The following CLDN2 variants were observed in gnomAD, a reference collection of about 807,000 sequenced individuals.
CLDN2 encodes claudin-2.
Under a neutral mutation model 8.2 loss-of-function variants are expected in CLDN2, and 1 was observed. The observed-to-expected ratio is 0.12, with a 90% CI of 0.04 to 0.58. The LOEUF is 0.58. CLDN2 is among the 20% of genes least tolerant of loss of function. The probability of loss-of-function intolerance (pLI) is 0.90; values close to 1 mark genes in which losing one functional copy is unlikely to be tolerated. For missense variants in CLDN2, 108 were observed against 172.9 expected (o/e 0.62, Z 2.11); for synonymous variants, 70 against 70.2 (o/e 1.00, Z 0.01).
chrX:106,910,694 T>C (rs1933238042), intron 1 of CLDN2, among the ~76,000 whole-genome samples: 1 of 105,176 alleles, frequency 9.5e-6, no homozygotes, highest in African/African-American at 3.7e-5. Context: ...CCTGGGCAGA[T>C]AGAGTGAAAC....
upstream of CLDN2, among the ~76,000 whole-genome samples, chrX:106,917,461 G>A (rs1428438916): frequency 1.8e-5 from 2 of 111,650 alleles, no homozygotes; most frequent in African/African-American, 6.5e-5. Context: ...GGTGACATGC[G>A]GTCATTGGTA....
intron 1 of CLDN2, among the ~76,000 whole-genome samples, chrX:106,910,348 G>A (rs1270594146): frequency 1.8e-5 from 2 of 111,237 alleles, no homozygotes; most frequent in African/African-American, 6.6e-5. Flanking sequence ...GTGCTTTATT[G>A]TTTTATTATT....
chrX:106,918,273 T>C (rs1933341807), upstream of CLDN2: 1 of 111,893 alleles, frequency 8.9e-6, no homozygotes, highest in African/African-American at 3.3e-5. Flanking sequence ...TGAGGTCACA[T>C]AGTTGGTTAG....
At position 106,928,969 on chromosome X, in the gene CLDN2, T is replaced by A. The variant is rs1223314804; in HGVS notation, c.*48T>A. On this transcript the variant is annotated 3_prime_UTR_variant, in exon 2 of 2. Transcript: ENST00000336803. ...GGGTGGCTGGGTCTGTGAAAAACAG[T>A]GGACAGCACCCCGAGGGCCACAGGT... 1.9e-6 allele frequency: 2 copies of A among 1,062,206 alleles called. No individual in the cohort carries two copies. Among genetic ancestry groups the A allele is most frequent in the East Asian group, 3.0e-5 (1 of 32,906 alleles). The allele number at this position is 1,062,206 out of a possible 1,213,427, so 87.5% of individuals were successfully genotyped here.
intron 1 of CLDN2, among the ~76,000 whole-genome samples, chrX:106,904,125 C>T (rs1933148051): frequency 8.9e-6 from 1 of 112,379 alleles, no homozygotes; most frequent in African/African-American, 3.2e-5. Flanking sequence ...AGGACCAGCC[C>T]CAGCCCCAGG....
upstream of CLDN2, among the ~76,000 whole-genome samples, chrX:106,914,206 C>G (rs1236555350): frequency 9.1e-6 from 1 of 110,444 alleles, no homozygotes; most frequent in African/African-American, 3.3e-5. Context: ...CCACCTCGGC[C>G]TCCCAAAGTG....
intron 1 of CLDN2, chrX:106,900,678 T>C: frequency 8.8e-7 from 1 of 1,135,815 alleles, no homozygotes; most frequent in Non-Finnish European, 1.2e-6. Flanking sequence ...GGAAGGGGGA[T>C]GAGCTGTGGC....
chrX:106,906,716 G>A (rs1425246278), intron 1 of CLDN2, among the ~76,000 whole-genome samples: 4 of 111,355 alleles, frequency 3.6e-5, no homozygotes, highest in Admixed American at 2.9e-4. Context: ...CCCTTTGCCT[G>A]GGCCTTGGCC....
intron 1 of CLDN2, among the ~76,000 whole-genome samples, chrX:106,912,168 C>T (rs1210648734): frequency 1.8e-5 from 2 of 111,090 alleles, no homozygotes; most frequent in Non-Finnish European, 1.9e-5. Context: ...CACTCTTTCC[C>T]AGACCTCTTC....
chrX:106,919,011 A>T (rs1449197524), upstream of CLDN2, among the ~76,000 whole-genome samples: 1 of 112,578 alleles, frequency 8.9e-6, no homozygotes, highest in Non-Finnish European at 1.9e-5. Context: ...ATGCTGGGTT[A>T]TAGTGAAAAT....
chrX:106,916,575 C>G (rs1263655242), upstream of CLDN2, among the ~76,000 whole-genome samples: 9 of 111,121 alleles, frequency 8.1e-5, no homozygotes, highest in Non-Finnish European at 1.5e-4. Context: ...TCGAAACCAG[C>G]AGATGGACAA....
intron 1 of CLDN2, among the ~76,000 whole-genome samples, chrX:106,909,721 G>A (rs1027810649): frequency 8.9e-6 from 1 of 112,266 alleles, no homozygotes. Flanking sequence ...AAGTCCAAAT[G>A]TCCCAAATGT....
intron 1 of CLDN2, among the ~76,000 whole-genome samples, chrX:106,911,865 C>A (rs73247968): frequency 0.14 from 15,933 of 111,193 alleles, 1,150 homozygotes; most frequent in South Asian, 0.22. Flanking sequence ...CCTTGGGGCT[C>A]TACGGTAGGG....
rs759317535 is a variant in CLDN2 at position 106,900,765 on chromosome X, T to A, written c.-179+261T>A. On this transcript the variant is annotated intron_variant, in intron 1 of 1. Transcript: ENST00000541806. ...ATTGGCCTCCTACTTCTCTTCTTCA[T>A]CCTCCTGCTCTTCATCTTCCTCTTC... The A allele has an allele frequency of 3.5e-5, 42 of 1,209,638 alleles. No individual in the cohort carries two copies. Among genetic ancestry groups the A allele is most frequent in the Non-Finnish European group, 4.5e-5 (40 of 894,385 alleles).
chrX:106,904,626 T>C (rs1342495053), intron 1 of CLDN2, among the ~76,000 whole-genome samples: 1 of 112,173 alleles, frequency 8.9e-6, no homozygotes, highest in Non-Finnish European at 1.9e-5. Context: ...GCTCCTCATT[T>C]CTCTGTTCAC....
intron 1 of CLDN2, among the ~76,000 whole-genome samples, chrX:106,927,692 T>G (rs1171381969): frequency 8.9e-6 from 1 of 112,441 alleles, no homozygotes; most frequent in Admixed American, 9.4e-5. Flanking sequence ...TGATGTAGTC[T>G]GCAGTTTGGC....
At chrX:106,901,433 T>TG in intron 1 of CLDN2, 4 of 1,146,315 alleles carry the variant, frequency 3.5e-6, no homozygotes, top group Non-Finnish European at 4.8e-6. Context: ...AAAGAGCTAA[T>TG]GGATCTATGT....
At chrX:106,911,489 C>G (rs1013389732) in intron 1 of CLDN2, among the ~76,000 whole-genome samples, 7 of 111,277 alleles carry the variant, frequency 6.3e-5, no homozygotes, top group Non-Finnish European at 1.3e-4. Flanking sequence ...CTCCACCCCC[C>G]AAACCCCTGC....
At chrX:106,923,137 A>T (rs989173885) in intron 1 of CLDN2, among the ~76,000 whole-genome samples, 12 of 111,028 alleles carry the variant, frequency 1.1e-4, no homozygotes, top group Admixed American at 8.6e-4. Context: ...ACCACGCCCA[A>T]CTAATTTTTG....
Sources: gnomAD v4.1 joint callset for allele counts (sites outside exome capture counted in the v4.1 genomes callset) on GRCh38, gnomAD v4.1.1 for gene constraint, MANE v1.5 for transcripts, NCBI Gene and HGNC (gene_info 2026-07-23, HGNC 2026-07-21) for gene names.